The following TFAP4 variants were observed in gnomAD, a reference collection of about 807,000 sequenced individuals.
TFAP4 encodes activating enhancer-binding protein 4.
TFAP4 carries 7 observed loss-of-function variants against 40.4 expected under a neutral mutation model. That is an observed-to-expected ratio of 0.17 (90% CI 0.10 to 0.33). The LOEUF is 0.33. Ranked by LOEUF, TFAP4 falls within the 10% of genes least tolerant of loss-of-function variation. The probability of loss-of-function intolerance (pLI) is 1.00; values close to 1 mark genes in which losing one functional copy is unlikely to be tolerated. For synonymous variants in TFAP4, 218 were observed against 181.4 expected (o/e 1.20, Z -1.62); for missense variants, 374 against 451.1 (o/e 0.83, Z 1.55).
intron 4 of TFAP4, among the ~76,000 whole-genome samples, chr16:4,260,942 C>T (rs1250795553): frequency 6.6e-6 from 1 of 152,236 alleles, no homozygotes; most frequent in Admixed American, 6.5e-5. Flanking sequence ...ACAGCTCCAG[C>T]CTGGCCTTCA....
In TFAP4 at chr16:4,262,346, G is replaced by A; in HGVS notation, c.332C>T (p.Thr111Ile). 1 of 1,614,230 alleles carries A rather than the reference G, an allele frequency of 6.2e-7. No individual in the cohort carries two copies. Among genetic ancestry groups the A allele is most frequent in the Non-Finnish European group, 8.5e-7 (1 of 1,180,042 alleles). ...CACCTGGATGAAGCGCTTGAGCTGT[G>A]TGTTCTGCTGCAAGAGCCTGGTCTT... ...QEKTRLLQQN[T>I]QLKRFIQELS... The change falls in exon 3 of 7, where the codon ACA (threonine) becomes ATA (isoleucine). Residue 111 changes from threonine (T) to isoleucine (I), a missense_variant. This residue lies in a region of TFAP4 where 51 missense variants were observed against 91.1 expected (regional missense o/e 0.56). Transcript: ENST00000204517.
chr16:4,261,964 G>A lies in TFAP4; in HGVS notation c.355-15C>T, dbSNP rs776949222. On this transcript the variant is annotated splice_polypyrimidine_tract_variant and intron_variant, in intron 3 of 6. Coordinates refer to ENST00000204517, the MANE Select transcript of TFAP4 (RefSeq NM_003223.3). ...CCGCTCAGCTCCTGGGGACCCCAAG[G>A]AGTCGGTCAGTGTGCCTGACACCTC... The A allele has an allele frequency of 6.3e-7, 1 of 1,590,434 alleles. No individual in the cohort carries two copies. Among genetic ancestry groups the A allele is most frequent in the African/African-American group, 1.3e-5 (1 of 74,080 alleles).
intron 4 of TFAP4, 35 bp from the exon 5 acceptor site, chr16:4,260,630 C>T (rs373305869): frequency 4.5e-6 from 7 of 1,556,758 alleles, no homozygotes; most frequent in African/African-American, 4.1e-5. Context: ...AGGGCCAAGG[C>T]CGGGAGCACA....
In TFAP4 at chr16:4,261,765, G is replaced by A. The variant is rs1479497579; in HGVS notation, c.525+14C>T. ...TGCACCGCGCGCCGTGCCCAGCAGA[G>A]GGCGCTGCCTCACCTGCTCCTCCAG... On this transcript the variant is annotated intron_variant, in intron 4 of 6. Coordinates refer to ENST00000204517, the MANE Select transcript of TFAP4 (RefSeq NM_003223.3). 1 of 1,592,014 alleles carries A rather than the reference G, an allele frequency of 6.3e-7. No individual in the cohort carries two copies. Among genetic ancestry groups the A allele is most frequent in the Non-Finnish European group, 8.5e-7 (1 of 1,171,590 alleles).
At chr16:4,271,804 C>T (rs1346665741) in intron 1 of TFAP4, among the ~76,000 whole-genome samples, 2 of 152,220 alleles carry the variant, frequency 1.3e-5, no homozygotes, top group African/African-American at 4.8e-5. Context: ...ATGGCCTGCC[C>T]ACCTGGCCTG....
intron 3 of TFAP4, 104 bp downstream of exon 3, chr16:4,262,220 A>G (rs1037875127): frequency 2.9e-5 from 38 of 1,319,950 alleles, no homozygotes; most frequent in Non-Finnish European, 3.5e-5. Context: ...AGTACTTGTC[A>G]GTGGGCAAGA....
At chr16:4,260,689 C>G (rs2052940159) in intron 4 of TFAP4, 94 bp from the exon 5 acceptor site, 1 of 1,425,208 alleles carries the variant, frequency 7.0e-7, no homozygotes, top group Non-Finnish European at 9.2e-7. Context: ...GCTGAAAACC[C>G]TAGCACAGGG....
Position 4,258,007 on chromosome 16 carries a change from C to T in TFAP4, c.*48G>A. 1 of 1,568,238 alleles carries T rather than the reference C, an allele frequency of 6.4e-7. No homozygotes were observed. On this transcript the variant is annotated 3_prime_UTR_variant, in exon 7 of 7. Coordinates refer to ENST00000204517, the MANE Select transcript of TFAP4 (RefSeq NM_003223.3). ...CGCCCATGTCTCTCCCTGTGGCTGC[C>T]CCGGCTCCCTCCAGCCCCCAGAAGG...
chr16:4,262,000 C>G (rs1353074913), intron 3 of TFAP4, 51 bp from the exon 4 acceptor site: 1 of 1,526,032 alleles, frequency 6.6e-7, no homozygotes, highest in African/African-American at 1.4e-5. Flanking sequence ...GGTACCACCA[C>G]GGAGATTGGG....
intron 1 of TFAP4, chr16:4,266,479 CAG>C (rs1192913013): frequency 6.6e-6 from 1 of 152,038 alleles, no homozygotes; most frequent in African/African-American, 2.4e-5. Context: ...TACCCGCCGA[CAG>C]AGTCCTTTAA....
At chr16:4,269,061 T>C (rs28806000) in intron 1 of TFAP4, among the ~76,000 whole-genome samples, 2 of 151,962 alleles carry the variant, frequency 1.3e-5, no homozygotes, top group African/African-American at 4.8e-5. Context: ...CTAATTTTTT[T>C]ATTTTTTGTA....
chr16:4,262,299 G>T, intron 3 of TFAP4, 25 bp downstream of exon 3: 1 of 1,612,192 alleles, frequency 6.2e-7, no homozygotes, highest in Non-Finnish European at 8.5e-7. Context: ...GCCAGGGAGA[G>T]GGAGCCATGA....
chr16:4,257,818 A>C lies in TFAP4; in HGVS notation c.*237T>G. 1.5e-5 allele frequency: 6 copies of C among 406,248 alleles called. No individual in the cohort carries two copies. Among genetic ancestry groups the C allele is most frequent in the Non-Finnish European group, 1.3e-5 (3 of 229,188 alleles). 25.2% of individuals were successfully genotyped at this position (406,248 alleles called of 1,614,324 possible). On this transcript the variant is annotated 3_prime_UTR_variant, in exon 7 of 7. Transcript: ENST00000204517. The stretch of plus-strand genomic sequence containing the variant: ...CAGCTTCCTCCAGCCCCCGGGGCCG[A>C]GGCCCCGCCCTGGGGTGCCGATGCT...
intron 1 of TFAP4, among the ~76,000 whole-genome samples, chr16:4,272,364 A>G (rs1002802130): frequency 1.3e-5 from 2 of 152,090 alleles, no homozygotes; most frequent in African/African-American, 2.4e-5. Context: ...AGCACCAAGC[A>G]TGGCCGGGAC....
chr16:4,262,081 A>G, intron 3 of TFAP4, 132 bp from the exon 4 acceptor site: 1 of 1,089,670 alleles, frequency 9.2e-7, no homozygotes, highest in Non-Finnish European at 1.3e-6. Flanking sequence ...CTGCAAGTCC[A>G]ACAAACCAGC....
intron 5 of TFAP4, 97 bp downstream of exon 5, chr16:4,260,358 G>T: frequency 6.6e-7 from 1 of 1,505,078 alleles, no homozygotes. Flanking sequence ...ATATTAAGAA[G>T]CAGAGAGGAC....
At chr16:4,272,023 G>A (rs1180748248) in intron 1 of TFAP4, among the ~76,000 whole-genome samples, 1 of 151,512 alleles carries the variant, frequency 6.6e-6, no homozygotes, top group Non-Finnish European at 1.5e-5. Context: ...GCGGGCGAGC[G>A]AGCGGCAGCC....
rs1274160172 is a variant in TFAP4 at position 4,258,035 on chromosome 16, G to A, written c.*20C>T. 6.2e-7 allele frequency: 1 copy of A among 1,603,884 alleles called. No homozygotes were observed. The highest frequency in any genetic ancestry group is 8.5e-7 in the Non-Finnish European group (1 of 1,176,808). ...GGCTCCCTCCAGCCCCCAGAAGGGA[G>A]AGGAGGGCTGGGGGGGTAGTCAGGG... On this transcript the variant is annotated 3_prime_UTR_variant, in exon 7 of 7. Coordinates refer to ENST00000204517, the MANE Select transcript of TFAP4 (RefSeq NM_003223.3).
At chr16:4,259,355 G>A (rs925116437) in intron 6 of TFAP4, among the ~76,000 whole-genome samples, 5 of 151,950 alleles carry the variant, frequency 3.3e-5, no homozygotes, top group Admixed American at 6.6e-5. Flanking sequence ...GGCTGGTCTC[G>A]AACTCCTGAC....
Sources: allele counts gnomAD v4.1 joint callset (sites outside exome capture counted in the v4.1 genomes callset), GRCh38; gene constraint gnomAD v4.1.1; regional missense constraint gnomAD v4.1.1; transcripts MANE v1.5; gene names NCBI Gene and HGNC (gene_info 2026-07-23, HGNC 2026-07-21).